Variants in SHROOM4 observed in about 807,000 individuals in gnomAD.
SHROOM4 encodes protein Shroom4.
A neutral mutation model predicts 80.3 loss-of-function variants in SHROOM4; 17 were observed. The observed-to-expected ratio is 0.21, with a 90% CI of 0.14 to 0.32. The LOEUF (loss-of-function observed/expected upper bound fraction) is 0.32. Ranked by LOEUF, SHROOM4 falls within the 10% of genes least tolerant of loss-of-function variation. The pLI is 1.00. For synonymous variants in SHROOM4, 400 were observed against 437.5 expected, an observed-to-expected ratio of 0.91 and a Z score of 1.07; for missense variants, 993 against 1,140.3, an observed-to-expected ratio of 0.87 and a Z score of 1.86.
intron 2 of SHROOM4, among the ~76,000 whole-genome samples, chrX:50,661,212 T>C (rs1932498667): frequency 9.0e-6 from 1 of 111,179 alleles, no homozygotes; most frequent in South Asian, 3.8e-4. Context: ...GTTTGGTTGG[T>C]TGTTTTTTGT....
chrX:50,749,658 C>T (rs1476386723), intron 1 of SHROOM4, among the ~76,000 whole-genome samples: 2 of 111,616 alleles, frequency 1.8e-5, no homozygotes, highest in Non-Finnish European at 3.8e-5. Context: ...AGGGTACATT[C>T]TAGCAAAGGG....
rs182048030 is a variant in SHROOM4 at position 50,704,132 on chromosome X, G to A, written c.118-8195C>T. On this transcript the variant is annotated intron_variant, in intron 1 of 8. Transcript: ENST00000376020. Reference sequence around the variant, plus strand: ...TGTCCTCCAGCATTAAGAGAGCACTGTGTACAAATCTAGCAGGTGAGCCTT... The same window carrying A: ...TGTCCTCCAGCATTAAGAGAGCACTATGTACAAATCTAGCAGGTGAGCCTT... Among the ~76,000 whole-genome samples, 7 of 112,014 alleles carry A rather than the reference G, an allele frequency of 6.2e-5. No homozygotes were observed. In the East Asian group the frequency reaches 2.0e-3, roughly 32 times the overall value.
At chrX:50,648,676 C>T (rs1931931878) in intron 2 of SHROOM4, among the ~76,000 whole-genome samples, 2 of 112,291 alleles carry the variant, frequency 1.8e-5, no homozygotes, top group Admixed American at 1.9e-4. Context: ...AGAGTCAATA[C>T]AATCACCACT....
At chrX:50,579,065 T>C in the SHROOM4 span, among the ~76,000 whole-genome samples, 1 of 111,738 alleles carries the variant, frequency 8.9e-6, no homozygotes, top group Non-Finnish European at 1.9e-5. Flanking sequence ...CATGAGAACA[T>C]TTTCAAGTAC....
At chrX:50,805,307 A>G (rs1459137658) in intron 1 of SHROOM4, among the ~76,000 whole-genome samples, 1 of 111,467 alleles carries the variant, frequency 9.0e-6, no homozygotes, top group Non-Finnish European at 1.9e-5. Flanking sequence ...TGGACCGTGA[A>G]AGGCAGTATA....
At chrX:50,702,982 C>T (rs1278779108) in intron 1 of SHROOM4, among the ~76,000 whole-genome samples, 1 of 111,288 alleles carries the variant, frequency 9.0e-6, no homozygotes, top group Non-Finnish European at 1.9e-5. Context: ...CACCAAGACT[C>T]CAGCATCATT....
chrX:50,792,275 G>T (rs781893187), intron 1 of SHROOM4, among the ~76,000 whole-genome samples: 1 of 111,916 alleles, frequency 8.9e-6, no homozygotes, highest in East Asian at 2.8e-4. Context: ...GAGGCTGGTG[G>T]ATCACCCGAG....
chrX:50,659,815 A>T (rs1220860080), intron 2 of SHROOM4, among the ~76,000 whole-genome samples: 1 of 112,045 alleles, frequency 8.9e-6, no homozygotes, highest in Non-Finnish European at 1.9e-5. Context: ...CTAAAATGGG[A>T]ATTATAATAA....
Position 50,795,103 on chromosome X carries a change from TATATATATATG to T in SHROOM4, c.117+18788_117+18798del, listed in dbSNP as rs1569549148. Among the ~76,000 whole-genome samples the T allele has an allele frequency of 1.0e-3, 50 of 49,852 alleles. 4 individuals carry two copies. Among genetic ancestry groups the T allele is most frequent in the African/African-American group, 1.5e-3 (15 of 10,051 alleles). 43.3% of individuals were successfully genotyped at this position (49,852 alleles called of 115,157 possible). On this transcript the variant is annotated intron_variant, in intron 1 of 8. Coordinates refer to ENST00000376020, the MANE Select transcript of SHROOM4 (RefSeq NM_020717.5). ...ATATATATATGATATATATATATGA[TATATATATATG>T]ATATATATATATGATATATATATAT... is the stretch of plus-strand genomic sequence containing the variant.
At chrX:50,637,797 C>T (rs1325842926) in intron 3 of SHROOM4, among the ~76,000 whole-genome samples, 1 of 112,090 alleles carries the variant, frequency 8.9e-6, no homozygotes, top group East Asian at 2.8e-4. Flanking sequence ...ACCAGTGAGT[C>T]GCCATTGACA....
intron 2 of SHROOM4, among the ~76,000 whole-genome samples, chrX:50,689,182 G>A (rs1190119264): frequency 1.8e-4 from 20 of 111,408 alleles, no homozygotes; most frequent in African/African-American, 5.9e-4. Context: ...AAACCACTAT[G>A]TACCCCATAA....
chrX:50,711,156 G>T (rs1341157892), intron 1 of SHROOM4, among the ~76,000 whole-genome samples: 2 of 112,089 alleles, frequency 1.8e-5, no homozygotes, highest in African/African-American at 3.2e-5. Flanking sequence ...TGCAATCAAT[G>T]GGCAACCTTT....
At chrX:50,709,800 G>A (rs1460858865) in intron 1 of SHROOM4, among the ~76,000 whole-genome samples, 6 of 112,113 alleles carry the variant, frequency 5.4e-5, no homozygotes, top group African/African-American at 1.6e-4. Flanking sequence ...ACTCAGAGCA[G>A]TGGTTCTCAA....
intron 1 of SHROOM4, among the ~76,000 whole-genome samples, chrX:50,760,867 A>G (rs1935142143): frequency 9.0e-6 from 1 of 111,558 alleles, no homozygotes; most frequent in African/African-American, 3.3e-5. Flanking sequence ...CTCCATTCAC[A>G]TTCACATTAT....
intron 1 of SHROOM4, among the ~76,000 whole-genome samples, chrX:50,743,246 T>C (rs1363644079): frequency 9.1e-6 from 1 of 109,581 alleles, no homozygotes; most frequent in Non-Finnish European, 1.9e-5. Flanking sequence ...TTCCTTTCAT[T>C]GAAAAATGGT....
intron 2 of SHROOM4, among the ~76,000 whole-genome samples, chrX:50,690,939 C>G (rs1933203527): frequency 8.9e-6 from 1 of 112,685 alleles, no homozygotes; most frequent in Non-Finnish European, 1.9e-5. Context: ...TGCACTCTAG[C>G]CTGGGCAACA....
chrX:50,775,591 CAAGCA>C (rs782423394), intron 1 of SHROOM4, among the ~76,000 whole-genome samples: 315 of 111,753 alleles, frequency 2.8e-3, no homozygotes, highest in Non-Finnish European at 4.9e-3. Context: ...CACTCTGAGG[CAAGCA>C]AAGAGAAAGA....
At chrX:50,791,620 C>T (rs1421883696) in intron 1 of SHROOM4, among the ~76,000 whole-genome samples, 1 of 80,748 alleles carries the variant, frequency 1.2e-5, no homozygotes, top group Non-Finnish European at 2.2e-5. Context: ...AACAAGGTCT[C>T]ACTATGTTGT....
In SHROOM4 at chrX:50,589,874, C is replaced by A. The variant is rs1557245193; in HGVS notation, c.*6821G>T. Among the ~76,000 whole-genome samples the A allele has an allele frequency of 8.9e-6, 1 of 112,228 alleles. No individual in the cohort carries two copies. Among genetic ancestry groups the A allele is most frequent in the Admixed American group, 9.4e-5 (1 of 10,608 alleles). On this transcript the variant is annotated 3_prime_UTR_variant, in exon 9 of 9. Transcript: ENST00000376020. The stretch of plus-strand genomic sequence containing the variant: ...GCCAAGCTGTTTTTCAATGAGGTTG[C>A]ATCAATTTACATCCCCATCAGCAAT...
Sources: gnomAD v4.1 joint callset for allele counts (sites outside exome capture counted in the v4.1 genomes callset) on GRCh38, gnomAD v4.1.1 for gene constraint, MANE v1.5 for transcripts, NCBI Gene and HGNC (gene_info 2026-07-23, HGNC 2026-07-21) for gene names.